DYNC2I1: variants seen among roughly 807,000 people sequenced by gnomAD.
DYNC2I1 encodes dynein 2 intermediate chain 1.
Under a neutral mutation model 133.4 loss-of-function variants are expected in DYNC2I1, and 89 were observed. The observed-to-expected ratio is 0.67, with a 90% CI of 0.56 to 0.80. The LOEUF (loss-of-function observed/expected upper bound fraction) is 0.80. Ranked by LOEUF, DYNC2I1 falls within the 30% of genes least tolerant of loss-of-function variation. The pLI is 0.00. For synonymous variants in DYNC2I1, 504 were observed against 484.3 expected (o/e 1.04, Z -0.54); for missense variants, 1,291 against 1,314.5 (o/e 0.98, Z 0.28).
chr7:158,913,234 A>G, intron 13 of DYNC2I1, 138 bp downstream of exon 13: 1 of 619,078 alleles, frequency 1.6e-6, no homozygotes, highest in Non-Finnish European at 2.7e-6. Flanking sequence ...CAATAGCAGT[A>G]CCCAATTTTC....
chr7:158,911,724 T>G, intron 12 of DYNC2I1, 45 bp downstream of exon 12: 1 of 1,565,256 alleles, frequency 6.4e-7, no homozygotes, highest in Non-Finnish European at 8.6e-7. Flanking sequence ...GCAAGTAAAG[T>G]CTAGTAGGAT....
intron 11 of DYNC2I1, among the ~76,000 whole-genome samples, chr7:158,907,623 C>T (rs767551799): frequency 4.6e-5 from 7 of 151,022 alleles, no homozygotes; most frequent in Non-Finnish European, 7.4e-5. Context: ...ACGTCTTCTG[C>T]TTTTGAGACA....
chr7:158,879,630 G>C lies in DYNC2I1; in HGVS notation c.574-54G>C, dbSNP rs953143323. ...CAGAACCCACAGAGAGGGAGGGCTGGCTGCACTCCTATTTGATGTGCTCCT... is the reference window on the plus strand; with the variant it reads ...CAGAACCCACAGAGAGGGAGGGCTGCCTGCACTCCTATTTGATGTGCTCCT... On this transcript the variant is annotated intron_variant, in intron 4 of 24. Transcript: ENST00000407559. The C allele has an allele frequency of 3.3e-6, 5 of 1,496,816 alleles. No individual in the cohort carries two copies. In the Middle Eastern group the frequency reaches 6.4e-4, roughly 191 times the overall value. 92.7% of individuals were successfully genotyped at this position (1,496,816 alleles called of 1,614,324 possible). A position where few individuals can be genotyped will look rare whatever the true frequency, so the allele number is the denominator to read the frequency against.
Position 158,902,388 on chromosome 7 carries a change from G to A in DYNC2I1, c.1150G>A (p.Asp384Asn). 6.2e-7 allele frequency: 1 copy of A among 1,612,474 alleles called. No homozygotes were observed. Among genetic ancestry groups the A allele is most frequent in the South Asian group, 1.1e-5 (1 of 90,822 alleles). ...TTATTGTTTGCAGGACTATGAAGAT[G>A]ACTTTGAGGTTTGTGATGGTGATGA... ...CEDDFEDYED[D>N]FEVCDGDDDE... Residue 384 changes from aspartate (D) to asparagine (N), a missense_variant, in exon 10 of 25, where the codon GAC (aspartate) becomes AAC (asparagine). Coordinates refer to ENST00000407559, the MANE Select transcript of DYNC2I1 (RefSeq NM_018051.5).
chr7:158,854,171 C>T (rs370192596), upstream of DYNC2I1, among the ~76,000 whole-genome samples: 93 of 152,104 alleles, frequency 6.1e-4, no homozygotes, highest in South Asian at 0.011. Context: ...TTGCACCAGC[C>T]GACCCATTGA....
chr7:158,879,932 CA>C lies in DYNC2I1; in HGVS notation c.824del (p.Asn275ThrfsTer43). On this transcript the variant is annotated frameshift_variant, in exon 5 of 25. Transcript: ENST00000407559. LOFTEE classifies it high-confidence loss of function. ...FHFDDERHQS[N>X]VDRKEKSAKD... is the part of the protein sequence containing the mutation. ...ATTTTGATGATGAGAGGCACCAAAG[CA>C]ACGTGGATAGAAAAGAGAAATCGGC... 6.2e-7 allele frequency: 1 copy of C among 1,609,252 alleles called. No individual in the cohort carries two copies. Among genetic ancestry groups the C allele is most frequent in the Non-Finnish European group, 8.5e-7 (1 of 1,178,766 alleles).
intron 1 of DYNC2I1, among the ~76,000 whole-genome samples, chr7:158,864,496 G>A (rs1270542059): frequency 2.0e-5 from 3 of 152,092 alleles, no homozygotes; most frequent in Non-Finnish European, 4.4e-5. Flanking sequence ...AGTAGTATCT[G>A]GTGACGCTTT....
At chr7:158,948,640 G>A (rs1851959687), downstream of DYNC2I1, among the ~76,000 whole-genome samples, 2 of 152,134 alleles carry the variant, frequency 1.3e-5, no homozygotes, top group South Asian at 2.1e-4. Flanking sequence ...GAGTCATATC[G>A]GAATGTACAA....
intron 21 of DYNC2I1, among the ~76,000 whole-genome samples, chr7:158,932,392 A>G (rs1001744548): frequency 6.6e-6 from 1 of 152,138 alleles, no homozygotes; most frequent in Non-Finnish European, 1.5e-5. Flanking sequence ...GCCCAGAGGC[A>G]CATTTGGAGC....
At chr7:158,907,790 T>G (rs1846997592) in intron 11 of DYNC2I1, among the ~76,000 whole-genome samples, 1 of 151,890 alleles carries the variant, frequency 6.6e-6, no homozygotes, top group Non-Finnish European at 1.5e-5. Flanking sequence ...TATTTTTTTT[T>G]TATGTAGAGG....
chr7:158,910,544 G>A (rs1403924378), intron 11 of DYNC2I1, among the ~76,000 whole-genome samples: 1 of 150,656 alleles, frequency 6.6e-6, no homozygotes, highest in South Asian at 2.1e-4. Context: ...GGCGGAGCAC[G>A]ATTGGCTGTG....
chr7:158,880,012 G>T, intron 5 of DYNC2I1, 23 bp downstream of exon 5: 2 of 1,556,214 alleles, frequency 1.3e-6, no homozygotes, highest in Non-Finnish European at 1.7e-6. Flanking sequence ...ATGCTTCGTT[G>T]CCTTAGCAGC....
rs201588197 is a variant in DYNC2I1 at position 158,902,606 on chromosome 7, C to T, written c.1357+11C>T. The T allele has an allele frequency of 6.2e-7, 1 of 1,611,466 alleles. No individual in the cohort carries two copies. Among genetic ancestry groups the T allele is most frequent in the Non-Finnish European group, 8.5e-7 (1 of 1,178,438 alleles). ...AGGAGCCCAGGACAGGTAAACAAAT[C>T]AATGCTACTAATGGTGTCCGTGCTC... On this transcript the variant is annotated intron_variant, in intron 10 of 24. Coordinates refer to ENST00000407559, the MANE Select transcript of DYNC2I1 (RefSeq NM_018051.5).
chr7:158,907,186 G>A (rs1846912582), intron 11 of DYNC2I1, among the ~76,000 whole-genome samples: 2 of 150,824 alleles, frequency 1.3e-5, no homozygotes, highest in Admixed American at 6.6e-5. Context: ...AACTAATAAA[G>A]GTGACAGTTT....
At chr7:158,957,436 T>TA (rs757740069), downstream of DYNC2I1, among the ~76,000 whole-genome samples, 10 of 152,364 alleles carry the variant, frequency 6.6e-5, no homozygotes, top group East Asian at 7.7e-4. Context: ...AATATAGACT[T>TA]ACATTCATTG....
chr7:158,943,321 C>G (rs1417439390), intron 24 of DYNC2I1, among the ~76,000 whole-genome samples: 1 of 152,200 alleles, frequency 6.6e-6, no homozygotes, highest in South Asian at 2.1e-4. Context: ...CACATTTACC[C>G]AGCACCGACT....
At chr7:158,888,458 G>T (rs1844834582) in intron 7 of DYNC2I1, among the ~76,000 whole-genome samples, 1 of 151,252 alleles carries the variant, frequency 6.6e-6, no homozygotes. Context: ...ACAATTTTGT[G>T]CCATACATAC....
intron 23 of DYNC2I1, among the ~76,000 whole-genome samples, chr7:158,935,829 G>A (rs1024020275): frequency 3.9e-5 from 6 of 152,218 alleles, no homozygotes; most frequent in Non-Finnish European, 8.8e-5. Flanking sequence ...ACTTTGGGAG[G>A]CTGAGGTGGG....
At chr7:158,896,989 T>C (rs1845817537) in intron 8 of DYNC2I1, among the ~76,000 whole-genome samples, 1 of 150,206 alleles carries the variant, frequency 6.7e-6, no homozygotes, top group Non-Finnish European at 1.5e-5. Flanking sequence ...TAATTTCTTT[T>C]TTTTTTTTTT....
Sources: gnomAD v4.1 joint callset for allele counts (sites outside exome capture counted in the v4.1 genomes callset) on GRCh38, gnomAD v4.1.1 for gene constraint, MANE v1.5 for transcripts, NCBI Gene and HGNC (gene_info 2026-07-23, HGNC 2026-07-21) for gene names.